The following PPA2 variants were observed in gnomAD, a reference collection of about 807,000 sequenced individuals.
PPA2 encodes the protein inorganic pyrophosphatase 2, mitochondrial.
Under a neutral mutation model 49.5 loss-of-function variants are expected in PPA2, and 48 were observed. The observed-to-expected ratio is 0.97, with a 90% confidence interval of 0.77 to 1.23. The LOEUF (loss-of-function observed/expected upper bound fraction) is 1.23, where lower values mean the gene tolerates loss of function less well. Ranked by LOEUF, PPA2 falls within the 50% of genes most tolerant of loss-of-function variation. The pLI, the probability that PPA2 is intolerant of heterozygous loss-of-function variation, is 0.00. For synonymous variants in PPA2, 131 were observed against 139.9 expected (o/e 0.94, Z 0.45); for missense variants, 429 against 410.1 (o/e 1.05, Z -0.40).
At chr4:105,443,827 T>C (rs1724485324) in intron 5 of PPA2, among the ~76,000 whole-genome samples, 3 of 152,146 alleles carry the variant, frequency 2.0e-5, no homozygotes, top group Admixed American at 2.0e-4. Flanking sequence ...ACCTTTATAC[T>C]TGCTGTTTCT....
intron 1 of PPA2, among the ~76,000 whole-genome samples, chr4:105,462,456 C>T (rs1186990061): frequency 6.6e-6 from 1 of 152,188 alleles, no homozygotes; most frequent in African/African-American, 2.4e-5. Context: ...CAGTCTAGTT[C>T]CACTCCTGAG....
chr4:105,414,458 G>T (rs1345490013), intron 7 of PPA2, among the ~76,000 whole-genome samples: 1 of 152,254 alleles, frequency 6.6e-6, no homozygotes, highest in Non-Finnish European at 1.5e-5. Context: ...CATGCCAAGG[G>T]CAAGCCAGGT....
chr4:105,388,045 T>C (rs1733753547), intron 9 of PPA2, among the ~76,000 whole-genome samples: 1 of 129,562 alleles, frequency 7.7e-6, no homozygotes, highest in South Asian at 2.2e-4. Flanking sequence ...TCTGGAAAAA[T>C]GAAGGTGAGA....
At chr4:105,410,735 C>T (rs113480647) in intron 7 of PPA2, among the ~76,000 whole-genome samples, 5,020 of 152,250 alleles carry the variant, frequency 0.033, 278 homozygotes, top group African/African-American at 0.11. Context: ...ACACTACAAG[C>T]CAGAAGAGAG....
chr4:105,412,508 C>A (rs972142001), intron 7 of PPA2, among the ~76,000 whole-genome samples: 2 of 152,154 alleles, frequency 1.3e-5, no homozygotes, highest in African/African-American at 4.8e-5. Flanking sequence ...AACTAAAGAG[C>A]TTCTGCACAG....
chr4:105,446,088 A>C, intron 5 of PPA2: 1 of 237,380 alleles, frequency 4.2e-6, no homozygotes, highest in East Asian at 8.6e-5. Flanking sequence ...AGCCTCGCTT[A>C]AAAGTTTTTC....
At chr4:105,386,519 C>T (rs759959397) in intron 10 of PPA2, 48 bp downstream of exon 10, 1 of 1,541,976 alleles carries the variant, frequency 6.5e-7, no homozygotes, top group Non-Finnish European at 8.9e-7. Flanking sequence ...ACTAGACTTC[C>T]TATGACATTT....
rs754256853 is a variant in PPA2, at chr4:105,456,741, A to G, written c.162T>C (p.Asn54=). ...CSQNYRLFFK[N]VTGHYISPFH... ...AGGGGGAAATGTAGTGACCAGTTAC[A>G]TTCTCTGCAAAGACACAAACAAACA... Residue 54 remains asparagine, a synonymous_variant, in exon 2 of 12, where the codon AAT becomes AAC. Transcript: ENST00000341695. 2 of 1,603,782 alleles carry G rather than the reference A, an allele frequency of 1.2e-6. No homozygotes were observed. Among genetic ancestry groups the G allele is most frequent in the African/African-American group, 2.7e-5 (2 of 74,640 alleles).
chr4:105,466,529 T>G (rs576318854), intron 1 of PPA2, among the ~76,000 whole-genome samples: 1 of 152,270 alleles, frequency 6.6e-6, no homozygotes, highest in South Asian at 2.1e-4. Context: ...CAATCTCAAT[T>G]CTTGCCTCCT....
chr4:105,414,987 A>T (rs969108941), intron 7 of PPA2, among the ~76,000 whole-genome samples: 1 of 152,132 alleles, frequency 6.6e-6, no homozygotes, highest in East Asian at 1.9e-4. Flanking sequence ...GAGGACATCC[A>T]GAGCGGGTAG....
chr4:105,457,762 C>A (rs1462353925), intron 1 of PPA2, among the ~76,000 whole-genome samples: 1 of 152,126 alleles, frequency 6.6e-6, no homozygotes, highest in Non-Finnish European at 1.5e-5. Flanking sequence ...CAGGGTCTTG[C>A]TATGTTGCCC....
At chr4:105,448,042 G>A (rs756028057) in intron 4 of PPA2, 5 of 384,736 alleles carry the variant, frequency 1.3e-5, no homozygotes, top group African/African-American at 6.4e-5. Context: ...CACTGCACTC[G>A]GCCTCAAAGT....
chr4:105,426,554 TCCCATG>T (rs1449811983), intron 6 of PPA2, among the ~76,000 whole-genome samples: 3 of 152,126 alleles, frequency 2.0e-5, no homozygotes, highest in Non-Finnish European at 2.9e-5. Context: ...GCTCGGCGGG[TCCCATG>T]CCCACAGAGC....
chr4:105,375,351 C>G (rs111719753), intron 10 of PPA2, among the ~76,000 whole-genome samples: 1 of 151,152 alleles, frequency 6.6e-6, no homozygotes, highest in East Asian at 2.0e-4. Context: ...AAATCAGGGT[C>G]TGGTTCTAAT....
intron 2 of PPA2, among the ~76,000 whole-genome samples, chr4:105,454,302 C>T (rs561994010): frequency 2.8e-4 from 41 of 146,402 alleles, no homozygotes; most frequent in South Asian, 6.5e-4. Flanking sequence ...TTTGCTGCTG[C>T]TGTTGTTGTT....
intron 1 of PPA2, among the ~76,000 whole-genome samples, chr4:105,461,041 T>C (rs1405162020): frequency 6.6e-6 from 1 of 152,118 alleles, no homozygotes; most frequent in Non-Finnish European, 1.5e-5. Context: ...AGAAAACAAA[T>C]ATGGCCTTAG....
chr4:105,395,779 T>G (rs1293346668), intron 9 of PPA2, among the ~76,000 whole-genome samples: 1 of 152,154 alleles, frequency 6.6e-6, no homozygotes, highest in Non-Finnish European at 1.5e-5. Flanking sequence ...ATGGAATCTA[T>G]ATTAAAAGGG....
rs1734254940 is a variant in PPA2 at position 105,399,039 on chromosome 4, T to C, written c.781A>G (p.Lys261Glu). ...AAAATAAAGATTCTCATCTTCACCT[T>C]GTTTTTGAATTCTCCATTAAAAGCA... Reference protein sequence around the residue: ...QFAFNGEFKNKAFALEVIKST... With the variant: ...QFAFNGEFKNEAFALEVIKST... Residue 261 changes from lysine to glutamate, a missense_variant and splice_region_variant, in exon 8 of 12, where the codon AAG becomes GAG. Physicochemically the swap from Lys to Glu is moderately conservative, Grantham distance 56 (BLOSUM62 1). Coordinates refer to ENST00000341695, the MANE Select transcript of PPA2 (RefSeq NM_176869.3). 1.2e-6 allele frequency: 2 copies of C among 1,608,026 alleles called. No individual in the cohort carries two copies. Among genetic ancestry groups the C allele is most frequent in the Non-Finnish European group, 1.7e-6 (2 of 1,178,566 alleles).
intron 3 of PPA2, among the ~76,000 whole-genome samples, chr4:105,450,204 A>G (rs17035601): frequency 0.091 from 13,892 of 152,202 alleles, 1,304 homozygotes; most frequent in African/African-American, 0.24. Flanking sequence ...CAATTTATCA[A>G]GGAAACAACG....
Sources: gnomAD v4.1 joint callset for allele counts (sites outside exome capture counted in the v4.1 genomes callset) on GRCh38, gnomAD v4.1.1 for gene constraint, MANE v1.5 for transcripts, NCBI Gene and HGNC (gene_info 2026-07-23, HGNC 2026-07-21) for gene names.